Variants in KIFBP observed in about 807,000 individuals in gnomAD.
The protein encoded by KIFBP is kinesin family binding protein, also known as KIF-binding protein.
Under a neutral mutation model 58.9 loss-of-function variants are expected in KIFBP, and 46 were observed. The ratio of observed to expected loss-of-function variants is 0.78; its 90% CI spans 0.62 to 1.00. KIFBP has a LOEUF of 1.00. Ranked by LOEUF, KIFBP falls within the 50% of genes least tolerant of loss-of-function variation. KIFBP has a pLI of 0.00. For missense variants in KIFBP, 651 were observed against 752.9 expected, an observed-to-expected ratio of 0.86 and a Z score of 1.58; for synonymous variants, 241 against 283.4, an observed-to-expected ratio of 0.85 and a Z score of 1.50.
At chr10:68,989,568 A>C in intron 1 of KIFBP, 3 of 492,072 alleles carry the variant, frequency 6.1e-6, no homozygotes, top group Middle Eastern at 5.5e-4. Flanking sequence ...ACCCTCCTAC[A>C]TCGTCATGCG....
At chr10:69,012,291 T>C (rs1410773971) in intron 6 of KIFBP, among the ~76,000 whole-genome samples, 3 of 152,172 alleles carry the variant, frequency 2.0e-5, no homozygotes, top group Non-Finnish European at 4.4e-5. Context: ...TAAGTCAGTA[T>C]ATATTAAGGC....
At chr10:68,990,757 A>G (rs571426511) in intron 1 of KIFBP, among the ~76,000 whole-genome samples, 2 of 152,230 alleles carry the variant, frequency 1.3e-5, no homozygotes, top group African/African-American at 4.8e-5. Context: ...GGCTGCAGTG[A>G]GCCAAGATTG....
rs1233953452 is a variant in KIFBP, at chr10:69,005,123, A to G, written c.603A>G (p.Lys201=). 1 of 1,605,828 alleles carries G rather than the reference A, an allele frequency of 6.2e-7. No homozygotes were observed. Among genetic ancestry groups the G allele is most frequent in the African/African-American group, 1.3e-5 (1 of 74,886 alleles). ...AACTTACTGAACAAGAGAGATCAAAAAGGTGAGTAGGTATAGAAATCAGCC... is the reference window on the plus strand; with the variant it reads ...AACTTACTGAACAAGAGAGATCAAAGAGGTGAGTAGGTATAGAAATCAGCC... ...EEKLTEQERS[K]RFEKVYTHNL... The change falls in exon 3 of 7, where the codon AAA becomes AAG. Residue 201 remains lysine (K), a splice_region_variant and synonymous_variant. Transcript: ENST00000361983.
intron 4 of KIFBP, among the ~76,000 whole-genome samples, chr10:69,008,377 T>TAAAAAAAAAA (rs1211667916): frequency 2.7e-4 from 20 of 75,416 alleles, no homozygotes; most frequent in African/African-American, 1.4e-3. Context: ...CCCTGTCTCG[T>TAAAAAAAAAA]AAAAAAAAAA....
intron 6 of KIFBP, among the ~76,000 whole-genome samples, chr10:69,014,989 C>T (rs977619947): frequency 6.6e-6 from 1 of 152,194 alleles, no homozygotes; most frequent in Non-Finnish European, 1.5e-5. Flanking sequence ...GTGGCGCAAT[C>T]TCCACTTACT....
chr10:68,989,897 C>T (rs1010222998), intron 1 of KIFBP: 1 of 152,940 alleles, frequency 6.5e-6, no homozygotes, highest in Non-Finnish European at 1.5e-5. Context: ...GGGGGTCTCA[C>T]TATATTGCCC....
At position 69,010,975 on chromosome 10, in the gene KIFBP, A is replaced by G; in HGVS notation, c.950A>G (p.Tyr317Cys). 6.2e-7 allele frequency: 1 copy of G among 1,614,100 alleles called. No individual in the cohort carries two copies. The highest frequency in any genetic ancestry group is 8.5e-7 in the Non-Finnish European group (1 of 1,179,952). The change falls in exon 6 of 7, where the codon TAC (tyrosine) becomes TGC (cysteine). Residue 317 changes from tyrosine to cysteine, a missense_variant. Tyr to Cys is a radical substitution (Grantham distance 194). Coordinates refer to ENST00000361983, the MANE Select transcript of KIFBP (RefSeq NM_015634.4). Reference sequence around the variant, plus strand: ...GAAATAGCAAGGTGCTGGATCAAATACTGTTTGACTCTCATGCAGAATGCC... The same window carrying G: ...GAAATAGCAAGGTGCTGGATCAAATGCTGTTTGACTCTCATGCAGAATGCC... ...KGEIARCWIK[Y>C]CLTLMQNAQL...
chr10:69,006,367 A>T (rs536665090), intron 4 of KIFBP, among the ~76,000 whole-genome samples: 4 of 152,342 alleles, frequency 2.6e-5, no homozygotes, highest in South Asian at 4.1e-4. Flanking sequence ...TAACTCTGTA[A>T]TAATTTTTTA....
rs755522222 is a variant in KIFBP at position 69,015,625 on chromosome 10, C to A, written c.1075C>A (p.Arg359=). 1.9e-6 allele frequency: 3 copies of A among 1,613,644 alleles called. No homozygotes were observed. The highest frequency in any genetic ancestry group is 1.7e-6 in the Non-Finnish European group (2 of 1,179,878). ...KKELDEEESI[R]KKAVQFGTGE... ...AGAACTAGATGAGGAGGAAAGCATT[C>A]GGAAAAAAGCTGTGCAGTTTGGAAC... Residue 359 remains arginine, a synonymous_variant, in exon 7 of 7, where the codon CGG becomes AGG. Coordinates refer to ENST00000361983, the MANE Select transcript of KIFBP (RefSeq NM_015634.4).
chr10:69,001,749 C>CA (rs11321915), intron 2 of KIFBP, among the ~76,000 whole-genome samples: 7,193 of 122,092 alleles, frequency 0.059, 508 homozygotes, highest in African/African-American at 0.18. Context: ...GACCCTGTCT[C>CA]AAAAAAAAAA....
Position 69,005,727 on chromosome 10 carries a change from T to C in KIFBP, c.606-5T>C, listed in dbSNP as rs1019181472. 4 of 1,597,346 alleles carry C rather than the reference T, an allele frequency of 2.5e-6. No individual in the cohort carries two copies. The highest frequency in any genetic ancestry group is 2.7e-5 in the African/African-American group (2 of 74,530). ...CACAAATATTGGTTTATTTTTTCTT[T>C]ACAGATTTGAAAAGGTTTATACTCA... On this transcript the variant is annotated splice_region_variant and splice_polypyrimidine_tract_variant and intron_variant, in intron 3 of 6. Coordinates refer to ENST00000361983, the MANE Select transcript of KIFBP (RefSeq NM_015634.4).
chr10:69,000,076 G>A lies in KIFBP; in HGVS notation c.427-348G>A, dbSNP rs1843449371. ...AAAAAAAAAAAAAAAGCAGGCAATA[G>A]ATAGCATCCAAAATGGAAATCAAGG... is the stretch of plus-strand genomic sequence containing the variant. On this transcript the variant is annotated intron_variant, in intron 1 of 6. Transcript: ENST00000361983. 6.8e-5 allele frequency among the ~76,000 whole-genome samples: 10 copies of A among 146,368 alleles called. No homozygotes were observed. In the South Asian group the frequency reaches 2.0e-3, roughly 29 times the overall value.
At chr10:69,004,976 T>C (rs943176068) in intron 2 of KIFBP, 70 bp from the exon 3 acceptor site, 2 of 1,032,016 alleles carry the variant, frequency 1.9e-6, no homozygotes, top group African/African-American at 3.2e-5. Flanking sequence ...TTTCTCCAGG[T>C]CCTCCAGAAG....
chr10:69,009,115 A>G (rs1843566142), intron 5 of KIFBP, among the ~76,000 whole-genome samples, 190 bp downstream of exon 5: 1 of 152,196 alleles, frequency 6.6e-6, no homozygotes, highest in East Asian at 1.9e-4. Context: ...AGAAGGTTAC[A>G]TACATTAGGC....
At chr10:69,009,142 A>C (rs1843566380) in intron 5 of KIFBP, among the ~76,000 whole-genome samples, 4 of 152,116 alleles carry the variant, frequency 2.6e-5, no homozygotes, top group Admixed American at 2.6e-4. Context: ...ACCCTTTCAT[A>C]CTTTAGTATA....
chr10:69,014,525 A>C (rs1406633481), intron 6 of KIFBP, among the ~76,000 whole-genome samples: 1 of 152,216 alleles, frequency 6.6e-6, no homozygotes, highest in Non-Finnish European at 1.5e-5. Context: ...TGGAGCAATC[A>C]AGGCTTTGAA....
chr10:68,997,584 C>A (rs905456541), intron 1 of KIFBP, among the ~76,000 whole-genome samples: 23 of 151,866 alleles, frequency 1.5e-4, no homozygotes, highest in African/African-American at 5.6e-4. Context: ...AACCTCTTTT[C>A]TTTATAAAGT....
At chr10:69,006,623 A>G (rs570502887) in intron 4 of KIFBP, among the ~76,000 whole-genome samples, 1 of 152,190 alleles carries the variant, frequency 6.6e-6, no homozygotes, top group African/African-American at 2.4e-5. Context: ...AGATTTTCCT[A>G]TTAATCCTTA....
intron 1 of KIFBP, among the ~76,000 whole-genome samples, chr10:68,996,175 A>G (rs1168026634): frequency 1.3e-5 from 2 of 151,784 alleles, no homozygotes; most frequent in Non-Finnish European, 1.5e-5. Flanking sequence ...AAAAATGGTA[A>G]TAATAATTCA....
Sources: gnomAD v4.1 joint callset for allele counts (sites outside exome capture counted in the v4.1 genomes callset) on GRCh38, gnomAD v4.1.1 for gene constraint, MANE v1.5 for transcripts, NCBI Gene and HGNC (gene_info 2026-07-23, HGNC 2026-07-21) for gene names.